The following GPR158 variants were observed in gnomAD, a reference collection of about 807,000 sequenced individuals.
GPR158 encodes the protein metabotropic glycine receptor.
In GPR158, 30 loss-of-function variants were observed where a neutral mutation model predicts 78.2. The ratio of observed to expected loss-of-function variants is 0.38; its 90% CI spans 0.29 to 0.52. The LOEUF is 0.52. GPR158 is among the 20% of genes least tolerant of loss of function. GPR158 has a pLI of 0.83. For synonymous variants in GPR158, 581 were observed against 591.1 expected (o/e 0.98, Z 0.25); for missense variants, 1,463 against 1,523.5 (o/e 0.96, Z 0.66).
At position 25,337,762 on chromosome 10, in the gene GPR158, A is replaced by T. The variant is rs554203115; in HGVS notation, c.1009-58149A>T. On this transcript the variant is annotated intron_variant, in intron 2 of 10. Transcript: ENST00000376351. ...TGATATAAACTTCTAACAGCCATATATGAATGAAAAATTTGCTCCACACAC... is the reference window on the plus strand; with the variant it reads ...TGATATAAACTTCTAACAGCCATATTTGAATGAAAAATTTGCTCCACACAC... 5.3e-5 allele frequency among the ~76,000 whole-genome samples: 8 copies of T among 152,142 alleles called. No homozygotes were observed. The South Asian group carries it at 1.5e-3, about 28-fold the overall frequency.
At chr10:25,490,652 G>C (rs528462478) in intron 5 of GPR158, among the ~76,000 whole-genome samples, 1 of 148,818 alleles carries the variant, frequency 6.7e-6, no homozygotes, top group East Asian at 2.0e-4. Flanking sequence ...ATAGTATTCC[G>C]TGGTGTATAT....
At chr10:25,347,197 C>G (rs1446710648) in intron 2 of GPR158, among the ~76,000 whole-genome samples, 1 of 151,904 alleles carries the variant, frequency 6.6e-6, no homozygotes. Context: ...GAAGTGGTTT[C>G]CTTGTCTGTT....
chr10:25,370,798 A>C (rs1195948238), intron 2 of GPR158, among the ~76,000 whole-genome samples: 9 of 150,520 alleles, frequency 6.0e-5, no homozygotes, highest in African/African-American at 1.5e-4. Context: ...ATTGTGTGGG[A>C]GTCTAAGTCT....
intron 4 of GPR158, among the ~76,000 whole-genome samples, chr10:25,461,039 T>C (rs998616797): frequency 6.6e-6 from 1 of 152,196 alleles, no homozygotes; most frequent in Non-Finnish European, 1.5e-5. Flanking sequence ...TTCTGTCTGC[T>C]CCACCAACTA....
chr10:25,599,357 G>A lies in GPR158; in HGVS notation c.*83G>A, dbSNP rs1039708451. ...TATAAGAATCAAATATTCCCAAGGA[G>A]GATTTGTCAATCAAGGAAAACATGA... is the stretch of plus-strand genomic sequence containing the variant. On this transcript the variant is annotated 3_prime_UTR_variant, in exon 11 of 11. Transcript: ENST00000376351. 14 of 1,084,058 alleles carry A rather than the reference G, an allele frequency of 1.3e-5. No homozygotes were observed. The African/African-American group carries it at 2.1e-4, about 16-fold the overall frequency. 67.2% of individuals were successfully genotyped at this position (1,084,058 alleles called of 1,614,324 possible).
intron 1 of GPR158, among the ~76,000 whole-genome samples, chr10:25,183,806 TG>T (rs1371114718): frequency 6.6e-6 from 1 of 152,248 alleles, no homozygotes; most frequent in Non-Finnish European, 1.5e-5. Context: ...CCAATGTGTA[TG>T]CCTTGTTACA....
chr10:25,304,835 C>G (rs1854647298), intron 2 of GPR158, among the ~76,000 whole-genome samples: 1 of 152,166 alleles, frequency 6.6e-6, no homozygotes, highest in Non-Finnish European at 1.5e-5. Flanking sequence ...TCATAAGCCT[C>G]AAGCCTATAA....
intron 5 of GPR158, among the ~76,000 whole-genome samples, chr10:25,506,736 A>G (rs912185375): frequency 6.6e-6 from 1 of 152,246 alleles, no homozygotes; most frequent in Non-Finnish European, 1.5e-5. Context: ...CCAATGTAGC[A>G]TGAGTATGCA....
chr10:25,348,103 C>T (rs1855400220), intron 2 of GPR158, among the ~76,000 whole-genome samples: 1 of 151,828 alleles, frequency 6.6e-6, no homozygotes, highest in Non-Finnish European at 1.5e-5. Context: ...TGAAACCTGC[C>T]AAAGAGTTAA....
intron 2 of GPR158, among the ~76,000 whole-genome samples, chr10:25,363,573 TG>T (rs1428628141): frequency 1.7e-4 from 26 of 151,836 alleles, no homozygotes; most frequent in African/African-American, 6.3e-4. Context: ...CTTGAGCTGG[TG>T]GCTGGGAAAG....
At chr10:25,500,722 T>C (rs1464825874) in intron 5 of GPR158, among the ~76,000 whole-genome samples, 1 of 152,210 alleles carries the variant, frequency 6.6e-6, no homozygotes, top group Admixed American at 6.5e-5. Context: ...CATTTAAATC[T>C]TGGAGAGGTA....
At chr10:25,220,967 A>G in intron 1 of GPR158, 85 bp from the exon 2 acceptor site, 1 of 825,694 alleles carries the variant, frequency 1.2e-6, no homozygotes, top group African/African-American at 1.7e-5. Context: ...GTTCTTTATG[A>G]TAATTTTCTA....
intron 2 of GPR158, among the ~76,000 whole-genome samples, chr10:25,259,342 A>G (rs1404806176): frequency 6.6e-6 from 1 of 152,174 alleles, no homozygotes; most frequent in Non-Finnish European, 1.5e-5. Context: ...CCTTGTGTAG[A>G]TAATTAATTG....
intron 5 of GPR158, among the ~76,000 whole-genome samples, chr10:25,536,391 C>T (rs1046193350): frequency 3.9e-5 from 6 of 152,146 alleles, no homozygotes; most frequent in Non-Finnish European, 5.9e-5. Context: ...CTAAACCAGG[C>T]ATATTATTTG....
intron 6 of GPR158, among the ~76,000 whole-genome samples, chr10:25,553,629 G>T (rs7079198): frequency 0.25 from 38,418 of 152,018 alleles, 9,379 homozygotes; most frequent in African/African-American, 0.61. Flanking sequence ...CCCATATTAT[G>T]TATTGAGATA....
chr10:25,249,080 G>C (rs1444454907), intron 2 of GPR158, among the ~76,000 whole-genome samples: 3 of 151,854 alleles, frequency 2.0e-5, no homozygotes, highest in Non-Finnish European at 4.4e-5. Context: ...TGAAGCAATT[G>C]TGAATGGGAG....
rs1341254449 is a variant in GPR158, at chr10:25,598,026, G to A, written c.2400G>A (p.Gly800=). Residue 800 remains glycine (G), a synonymous_variant, in exon 11 of 11, where the codon GGG becomes GGA. Coordinates refer to ENST00000376351, the MANE Select transcript of GPR158 (RefSeq NM_020752.3). ...CCCCAGAGTCTTCAGGGAACACAGG[G>A]AAATCCAAGGAGGAGACCCTGAAAA... The part of the protein sequence containing the change: ...KNPPESSGNT[G]KSKEETLKNR... The A allele has an allele frequency of 1.2e-6, 2 of 1,613,914 alleles. No homozygotes were observed. The highest frequency in any genetic ancestry group is 1.7e-5 in the Admixed American group (1 of 59,998).
intron 2 of GPR158, among the ~76,000 whole-genome samples, chr10:25,286,778 T>TG (rs1854356982): frequency 1.3e-5 from 2 of 152,152 alleles, no homozygotes; most frequent in African/African-American, 2.4e-5. Flanking sequence ...GGAATTGGTC[T>TG]GGTTTTGGGA....
intron 7 of GPR158, 34 bp from the exon 8 acceptor site, chr10:25,588,973 T>C (rs765486329): frequency 6.8e-7 from 1 of 1,465,364 alleles, no homozygotes; most frequent in South Asian, 1.5e-5. Context: ...TCTTCACCTA[T>C]AAAACTCATG....
Sources: gnomAD v4.1 joint callset for allele counts (sites outside exome capture counted in the v4.1 genomes callset) on GRCh38, gnomAD v4.1.1 for gene constraint, MANE v1.5 for transcripts, NCBI Gene and HGNC (gene_info 2026-07-23, HGNC 2026-07-21) for gene names.